SLC24A2: variants seen among roughly 807,000 people sequenced by gnomAD.
The protein encoded by SLC24A2 is solute carrier family 24 member 2.
SLC24A2 carries 36 observed loss-of-function variants against 62.0 expected under a neutral mutation model. The observed-to-expected ratio is 0.58, with a 90% CI of 0.44 to 0.77. The LOEUF (loss-of-function observed/expected upper bound fraction) is 0.77, where lower values mean the gene tolerates loss of function less well. Among genes scored for constraint, SLC24A2 ranks in the 30% least tolerant of loss-of-function variants. The probability of loss-of-function intolerance (pLI) is 0.00; values close to 1 mark genes in which losing one functional copy is unlikely to be tolerated. For missense variants in SLC24A2, 846 were observed against 817.9 expected (o/e 1.03, Z -0.42); for synonymous variants, 358 against 294.0 (o/e 1.22, Z -2.23).
chr9:19,830,288 C>G, the SLC24A2 span, among the ~76,000 whole-genome samples: 2 of 152,156 alleles, frequency 1.3e-5, no homozygotes, highest in African/African-American at 4.8e-5. Context: ...AAGTTCTTTC[C>G]AAAAACTCCT....
the SLC24A2 span, among the ~76,000 whole-genome samples, chr9:20,099,959 GCTGA>G: frequency 1.3e-5 from 2 of 152,132 alleles, no homozygotes; most frequent in Admixed American, 1.3e-4. Context: ...TTTGTGTCAT[GCTGA>G]CTATTTTTAT....
At chr9:20,052,892 G>A in the SLC24A2 span, among the ~76,000 whole-genome samples, 4 of 152,172 alleles carry the variant, frequency 2.6e-5, no homozygotes, top group South Asian at 6.2e-4. Flanking sequence ...TACTATGTGC[G>A]CACTGGCATA....
At chr9:19,950,139 C>T in the SLC24A2 span, among the ~76,000 whole-genome samples, 1 of 152,136 alleles carries the variant, frequency 6.6e-6, no homozygotes. Flanking sequence ...AGTTGTGTCT[C>T]TTTGGGCAAA....
At chr9:19,870,234 T>C in the SLC24A2 span, among the ~76,000 whole-genome samples, 36 of 152,304 alleles carry the variant, frequency 2.4e-4, no homozygotes, top group Non-Finnish European at 5.0e-4. Flanking sequence ...TCTTTCTCTA[T>C]GGATTTGCCT....
At chr9:19,812,054 T>C in the SLC24A2 span, among the ~76,000 whole-genome samples, 1 of 152,210 alleles carries the variant, frequency 6.6e-6, no homozygotes, top group Non-Finnish European at 1.5e-5. Context: ...TTAGACTAAA[T>C]GTAATTTTCT....
At chr9:20,012,284 C>T in the SLC24A2 span, among the ~76,000 whole-genome samples, 2 of 152,194 alleles carry the variant, frequency 1.3e-5, no homozygotes, top group Non-Finnish European at 2.9e-5. Context: ...AAAGACACAT[C>T]TCACATGGCA....
chr9:20,256,356 C>T, the SLC24A2 span, among the ~76,000 whole-genome samples: 21,941 of 152,218 alleles, frequency 0.14, 1,707 homozygotes, highest in Middle Eastern at 0.18. Flanking sequence ...ATGTGTCCTT[C>T]CTGCTAAGCC....
chr9:19,918,298 C>T, the SLC24A2 span, among the ~76,000 whole-genome samples: 1 of 148,742 alleles, frequency 6.7e-6, no homozygotes, highest in Non-Finnish European at 1.5e-5. Flanking sequence ...TTTAGCACTT[C>T]TCATTGTTAT....
the SLC24A2 span, among the ~76,000 whole-genome samples, chr9:20,190,013 T>A: frequency 6.6e-6 from 1 of 152,164 alleles, no homozygotes; most frequent in Non-Finnish European, 1.5e-5. Context: ...GAATGACAGC[T>A]TAATTCCCGG....
chr9:19,531,687 C>T (rs1055348530), intron 8 of SLC24A2, among the ~76,000 whole-genome samples: 3 of 150,976 alleles, frequency 2.0e-5, no homozygotes, highest in Admixed American at 1.3e-4. Context: ...ATATATTTAA[C>T]AAAGACCCCC....
At chr9:20,091,440 G>A in the SLC24A2 span, among the ~76,000 whole-genome samples, 2 of 151,974 alleles carry the variant, frequency 1.3e-5, no homozygotes, top group Non-Finnish European at 2.9e-5. Context: ...AATATTAAAG[G>A]CAGCTAGAGA....
At chr9:19,975,585 A>C in the SLC24A2 span, among the ~76,000 whole-genome samples, 1 of 152,222 alleles carries the variant, frequency 6.6e-6, no homozygotes, top group Non-Finnish European at 1.5e-5. Flanking sequence ...GGTTTAGTAC[A>C]AGGATAGAAA....
chr9:20,089,229 C>A, the SLC24A2 span, among the ~76,000 whole-genome samples: 1 of 152,146 alleles, frequency 6.6e-6, no homozygotes, highest in South Asian at 2.1e-4. Flanking sequence ...AGAACACCCA[C>A]CTCATGGAAA....
intron 8 of SLC24A2, among the ~76,000 whole-genome samples, chr9:19,538,253 G>T (rs1834071312): frequency 7.3e-6 from 1 of 136,852 alleles, no homozygotes; most frequent in Non-Finnish European, 1.5e-5. Context: ...GAATAGGAGT[G>T]GTGAGAGAGG....
At chr9:20,306,766 G>T in the SLC24A2 span, among the ~76,000 whole-genome samples, 1 of 152,138 alleles carries the variant, frequency 6.6e-6, no homozygotes, top group Admixed American at 6.5e-5. Flanking sequence ...GCGTGATCTT[G>T]GTCCACTGCA....
At chr9:19,895,554 T>C in the SLC24A2 span, among the ~76,000 whole-genome samples, 1 of 145,616 alleles carries the variant, frequency 6.9e-6, no homozygotes, top group East Asian at 2.0e-4. Context: ...TTCTTTTTTT[T>C]TTTTTTTTTA....
the SLC24A2 span, among the ~76,000 whole-genome samples, chr9:19,972,683 T>C: frequency 1.2e-3 from 177 of 152,326 alleles, 4 homozygotes; most frequent in East Asian, 0.031. Context: ...ATATCTTATA[T>C]GTCTACATTT....
At position 19,513,049 on chromosome 9, in the gene SLC24A2, C is replaced by T. The variant is rs968429577; in HGVS notation, c.*3104G>A. On this transcript the variant is annotated 3_prime_UTR_variant, in exon 11 of 11. Transcript: ENST00000341998. ...TGTGCATGACTTTCCTTTTCCTTGACTTTGGCAAACTTGATGCTCCCTGCT... is the reference window on the plus strand; with the variant it reads ...TGTGCATGACTTTCCTTTTCCTTGATTTTGGCAAACTTGATGCTCCCTGCT... 1 of 151,134 alleles carries T rather than the reference C, an allele frequency of 6.6e-6. No homozygotes were observed. 9.4% of individuals were successfully genotyped at this position (151,134 alleles called of 1,614,324 possible). A position where few individuals can be genotyped will look rare whatever the true frequency, so the allele number is the denominator to read the frequency against.
At chr9:19,570,730 C>A (rs996986813) in intron 7 of SLC24A2, among the ~76,000 whole-genome samples, 3 of 152,190 alleles carry the variant, frequency 2.0e-5, no homozygotes, top group Non-Finnish European at 2.9e-5. Flanking sequence ...AGTACTGTTG[C>A]TATCTGCACT....
Sources: gnomAD v4.1 joint callset for allele counts (sites outside exome capture counted in the v4.1 genomes callset) on GRCh38, gnomAD v4.1.1 for gene constraint, MANE v1.5 for transcripts, NCBI Gene and HGNC (gene_info 2026-07-23, HGNC 2026-07-21) for gene names.